ADAMTS17: variants seen among roughly 807,000 people sequenced by gnomAD.
ADAMTS17 encodes the protein ADAM metallopeptidase with thrombospondin type 1 motif 17.
In ADAMTS17, 113 loss-of-function variants were observed where a neutral mutation model predicts 141.5. That is an observed-to-expected ratio of 0.80 (90% CI 0.69 to 0.93). ADAMTS17 has a LOEUF of 0.93. Ranked by LOEUF, ADAMTS17 falls within the 40% of genes least tolerant of loss-of-function variation. ADAMTS17 has a pLI of 0.00. For missense variants in ADAMTS17, 1,659 were observed against 1,517.9 expected, an observed-to-expected ratio of 1.09 and a Z score of -1.54; for synonymous variants, 768 against 630.6, an observed-to-expected ratio of 1.22 and a Z score of -3.27.
At chr15:100,275,795 A>G (rs1257026900) in intron 4 of ADAMTS17, among the ~76,000 whole-genome samples, 1 of 151,632 alleles carries the variant, frequency 6.6e-6, no homozygotes, top group East Asian at 2.0e-4. Context: ...GCTGACGCTA[A>G]TCTAATACAT....
Position 100,287,007 on chromosome 15 carries a change from G to A in ADAMTS17, c.617-5606C>T, listed in dbSNP as rs977692858. 2.6e-5 allele frequency among the ~76,000 whole-genome samples: 4 copies of A among 152,182 alleles called. No individual in the cohort carries two copies. The East Asian group carries it at 7.7e-4, about 29-fold the overall frequency. The stretch of plus-strand genomic sequence containing the variant: ...GATCGAGACCATCCTGGCCAACCTG[G>A]TTAAACCCCGTCTCTACTAAAAATA... On this transcript the variant is annotated intron_variant, in intron 3 of 21. Coordinates refer to ENST00000268070, the MANE Select transcript of ADAMTS17 (RefSeq NM_139057.4).
At chr15:99,975,495 G>A (rs1313880002) in intron 21 of ADAMTS17, among the ~76,000 whole-genome samples, 1 of 152,138 alleles carries the variant, frequency 6.6e-6, no homozygotes. Flanking sequence ...ACAGGCATGA[G>A]CCACCACAAC....
intron 10 of ADAMTS17, among the ~76,000 whole-genome samples, chr15:100,147,075 T>G (rs2141322145): frequency 6.6e-6 from 1 of 152,330 alleles, no homozygotes; most frequent in South Asian, 2.1e-4. Context: ...GTACTTGATG[T>G]CTGTGACCCA....
rs1454784329 is a variant in ADAMTS17 at position 100,176,305 on chromosome 15, GACA to G, written c.1182-20988_1182-20986del. On this transcript the variant is annotated intron_variant, in intron 8 of 21. Coordinates refer to ENST00000268070, the MANE Select transcript of ADAMTS17 (RefSeq NM_139057.4). ...CGAGGAGGAGGAAGATGACATTTATGACAACTGCTCACATTAAGGAGCACAGGT... is the reference window on the plus strand; with the variant it reads ...CGAGGAGGAGGAAGATGACATTTATGACTGCTCACATTAAGGAGCACAGGT... Among the ~76,000 whole-genome samples the G allele has an allele frequency of 4.6e-5, 7 of 152,200 alleles. No homozygotes were observed. In the East Asian group the frequency reaches 7.7e-4, roughly 17 times the overall value.
chr15:100,105,564 C>T (rs2036365185), intron 14 of ADAMTS17, among the ~76,000 whole-genome samples: 2 of 152,094 alleles, frequency 1.3e-5, no homozygotes, highest in African/African-American at 2.4e-5. Flanking sequence ...TAAATTGAAC[C>T]GTTCATACCA....
rs941327939 is a variant in ADAMTS17 at position 100,053,781 on chromosome 15, G to T, written c.2295+116C>A. ...CAGCAGGGGACGGCATAAACCCCTG[G>T]AAGCCAGATGCATTTCCTGCCCCCG... is the stretch of plus-strand genomic sequence containing the variant. On this transcript the variant is annotated intron_variant, in intron 16 of 21. Transcript: ENST00000268070. 6 of 1,505,074 alleles carry T rather than the reference G, an allele frequency of 4.0e-6. No individual in the cohort carries two copies. The African/African-American group carries it at 8.3e-5, about 21-fold the overall frequency. 93.2% of individuals were successfully genotyped at this position (1,505,074 alleles called of 1,614,324 possible).
chr15:100,078,217 T>G (rs995065552), intron 15 of ADAMTS17, among the ~76,000 whole-genome samples: 1 of 107,406 alleles, frequency 9.3e-6, no homozygotes, highest in African/African-American at 7.0e-5. Context: ...AATCCCAGCT[T>G]TTTTTTTTTT....
chr15:100,045,938 T>C (rs927137976), intron 18 of ADAMTS17, among the ~76,000 whole-genome samples: 2 of 152,214 alleles, frequency 1.3e-5, no homozygotes, highest in African/African-American at 4.8e-5. Context: ...TGGAGTGCAG[T>C]GGTGTGATCT....
intron 14 of ADAMTS17, among the ~76,000 whole-genome samples, chr15:100,100,789 T>TC (rs1007425545): frequency 2.0e-5 from 3 of 152,050 alleles, no homozygotes; most frequent in Non-Finnish European, 4.4e-5. Context: ...TGGCCAAAGA[T>TC]CCCCACTGCC....
intron 7 of ADAMTS17, among the ~76,000 whole-genome samples, chr15:100,233,645 G>A (rs1188354748): frequency 6.6e-6 from 1 of 152,202 alleles, no homozygotes; most frequent in Non-Finnish European, 1.5e-5. Flanking sequence ...AAAGGACAGA[G>A]AAACACGCAA....
chr15:100,062,406 C>A (rs2033192922), intron 15 of ADAMTS17, among the ~76,000 whole-genome samples: 1 of 152,216 alleles, frequency 6.6e-6, no homozygotes, highest in East Asian at 1.9e-4. Flanking sequence ...ATGGGCATGC[C>A]TGCCTTCCCC....
At chr15:100,262,279 A>G (rs1056771139) in intron 5 of ADAMTS17, 73 bp downstream of exon 5, 12 of 1,383,128 alleles carry the variant, frequency 8.7e-6, no homozygotes, top group Non-Finnish European at 1.1e-5. Context: ...CCCGCTTAGC[A>G]TTCAACAGCA....
intron 8 of ADAMTS17, among the ~76,000 whole-genome samples, chr15:100,162,836 AAC>A (rs2039778527): frequency 6.9e-6 from 1 of 145,600 alleles, no homozygotes; most frequent in Non-Finnish European, 1.5e-5. Flanking sequence ...ATATGTGTAT[AAC>A]TATATATAGT....
At chr15:100,090,533 A>G (rs1567156775) in intron 15 of ADAMTS17, among the ~76,000 whole-genome samples, 1 of 152,308 alleles carries the variant, frequency 6.6e-6, no homozygotes, top group East Asian at 1.9e-4. Context: ...AGGATGCATC[A>G]GTGAAAAGAC....
intron 3 of ADAMTS17, among the ~76,000 whole-genome samples, chr15:100,318,091 G>A (rs2045620509): frequency 6.6e-6 from 1 of 152,150 alleles, no homozygotes; most frequent in Admixed American, 6.5e-5. Context: ...AATGACTGAG[G>A]TGACGGGTCA....
intron 14 of ADAMTS17, among the ~76,000 whole-genome samples, chr15:100,108,292 C>G (rs1269833302): frequency 6.6e-6 from 1 of 152,120 alleles, no homozygotes; most frequent in Admixed American, 6.5e-5. Context: ...CTGCCTCAGC[C>G]TCCCGAGTAG....
chr15:100,095,591 G>T (rs184668806), intron 15 of ADAMTS17, among the ~76,000 whole-genome samples: 2 of 152,182 alleles, frequency 1.3e-5, no homozygotes, highest in Non-Finnish European at 2.9e-5. Flanking sequence ...CCTGGTGATG[G>T]GGGGTGAGTG....
At chr15:99,979,928 G>A (rs1360220382) in intron 20 of ADAMTS17, 2 of 152,202 alleles carry the variant, frequency 1.3e-5, no homozygotes, top group African/African-American at 2.4e-5. Flanking sequence ...ATATCTAAAT[G>A]TGTTATGTAA....
intron 12 of ADAMTS17, among the ~76,000 whole-genome samples, chr15:100,119,864 C>T (rs1451946452): frequency 6.6e-6 from 1 of 152,194 alleles, no homozygotes; most frequent in African/African-American, 2.4e-5. Flanking sequence ...TCTTTGAGGC[C>T]ACCTCCACCC....
Sources: gnomAD v4.1 joint callset for allele counts (sites outside exome capture counted in the v4.1 genomes callset) on GRCh38, gnomAD v4.1.1 for gene constraint, MANE v1.5 for transcripts, NCBI Gene and HGNC (gene_info 2026-07-23, HGNC 2026-07-21) for gene names.